EPB41L4B: variants seen among roughly 807,000 people sequenced by gnomAD.
EPB41L4B encodes the protein erythrocyte membrane protein band 4.1 like 4B, also known as band 4.1-like protein 4B.
Under a neutral mutation model 112.5 loss-of-function variants are expected in EPB41L4B, and 30 were observed. The ratio of observed to expected loss-of-function variants is 0.27; its 90% CI spans 0.20 to 0.36. The LOEUF is 0.36. Among genes scored for constraint, EPB41L4B ranks in the 10% least tolerant of loss-of-function variants. The probability of loss-of-function intolerance (pLI) is 1.00; values close to 1 mark genes in which losing one functional copy is unlikely to be tolerated. For synonymous variants in EPB41L4B, 408 were observed against 439.7 expected (o/e 0.93, Z 0.90); for missense variants, 1,024 against 1,133.3 (o/e 0.90, Z 1.38).
At chr9:109,206,984 T>A (rs1217226112) in intron 18 of EPB41L4B, among the ~76,000 whole-genome samples, 1 of 152,236 alleles carries the variant, frequency 6.6e-6, no homozygotes. Context: ...TCCAGCTGCA[T>A]GGTATCCACC....
chr9:109,176,836 T>A (rs985285615), intron 24 of EPB41L4B, 140 bp from the exon 25 acceptor site: 10 of 968,400 alleles, frequency 1.0e-5, no homozygotes, highest in Middle Eastern at 4.4e-4. Flanking sequence ...TAAGTGATTT[T>A]ACTTTGTGCC....
chr9:109,259,376 C>T (rs1399111302), intron 6 of EPB41L4B, among the ~76,000 whole-genome samples: 1 of 152,216 alleles, frequency 6.6e-6, no homozygotes, highest in Admixed American at 6.5e-5. Context: ...GGTCTGGAAC[C>T]CGGCCTAAGA....
In EPB41L4B at chr9:109,197,830, A is replaced by AT. The variant is rs1006644152; in HGVS notation, c.2045+2405_2045+2406insA. Among the ~76,000 whole-genome samples, 11 of 151,674 alleles carry AT rather than the reference A, an allele frequency of 7.3e-5. No homozygotes were observed. In the South Asian group the frequency reaches 2.3e-3, roughly 32 times the overall value. ...GTGAGACTCTGTATCAAAAAAAAAA[A>AT]AAAACAAAAAAAAGAGTGAGTTTGG... On this transcript the variant is annotated intron_variant, in intron 20 of 25. Coordinates refer to ENST00000374566, the MANE Select transcript of EPB41L4B (RefSeq NM_019114.5).
rs1835056020 is a variant in EPB41L4B at position 109,258,199 on chromosome 9, A to G, written c.730T>C (p.Phe244Leu). Residue 244 changes from phenylalanine (F) to leucine (L), a missense_variant, in exon 7 of 26, where the codon TTC becomes CTC. Phe to Leu is a conservative substitution (Grantham distance 22, BLOSUM62 0). Coordinates refer to ENST00000374566, the MANE Select transcript of EPB41L4B (RefSeq NM_019114.5). ...TACCTGCACTCTTTCCATCTCTGGA[A>G]GATATCAAATTCCATTGCTTCTGTC... ...NQTEAMEFDIFQRWKECRGKS... is the reference protein window; with the variant it reads ...NQTEAMEFDILQRWKECRGKS... The G allele has an allele frequency of 6.2e-7, 1 of 1,613,586 alleles. No homozygotes were observed. Among genetic ancestry groups the G allele is most frequent in the Admixed American group, 1.7e-5 (1 of 59,998 alleles).
At chr9:109,295,339 G>T (rs1181822329) in intron 1 of EPB41L4B, among the ~76,000 whole-genome samples, 2 of 152,150 alleles carry the variant, frequency 1.3e-5, no homozygotes, top group African/African-American at 4.8e-5. Context: ...TCCCTTAGAA[G>T]ATTGCTGAGG....
chr9:109,275,612 C>G (rs955204598), intron 2 of EPB41L4B, among the ~76,000 whole-genome samples: 1 of 152,124 alleles, frequency 6.6e-6, no homozygotes, highest in South Asian at 2.1e-4. Context: ...CTCACACTGC[C>G]CAGCTACAAA....
At chr9:109,275,280 T>C (rs1403757725) in intron 2 of EPB41L4B, among the ~76,000 whole-genome samples, 2 of 152,198 alleles carry the variant, frequency 1.3e-5, no homozygotes, top group African/African-American at 4.8e-5. Flanking sequence ...GATCTGCATG[T>C]CAGGGGCTGG....
chr9:109,229,704 G>A (rs961864095), intron 15 of EPB41L4B, among the ~76,000 whole-genome samples: 7 of 152,114 alleles, frequency 4.6e-5, no homozygotes, highest in African/African-American at 1.4e-4. Flanking sequence ...TAACACATTG[G>A]GGATAAGCTG....
intron 15 of EPB41L4B, among the ~76,000 whole-genome samples, chr9:109,223,200 G>A (rs796978925): frequency 3.3e-5 from 5 of 152,276 alleles, no homozygotes; most frequent in African/African-American, 1.2e-4. Flanking sequence ...AGCATTTTGG[G>A]AGGCCAAGGC....
intron 1 of EPB41L4B, among the ~76,000 whole-genome samples, chr9:109,296,472 G>A (rs1306924020): frequency 6.6e-5 from 10 of 152,208 alleles, no homozygotes; most frequent in Admixed American, 6.5e-4. Flanking sequence ...TACCTAGCAA[G>A]GATGTTAAAA....
At chr9:109,201,478 A>G (rs1832829570) in intron 19 of EPB41L4B, among the ~76,000 whole-genome samples, 1 of 151,684 alleles carries the variant, frequency 6.6e-6, no homozygotes, top group African/African-American at 2.4e-5. Flanking sequence ...AAAAAAAAGT[A>G]TGTTGAATAA....
intron 15 of EPB41L4B, among the ~76,000 whole-genome samples, chr9:109,226,626 A>ATATATG (rs1554750149): frequency 0.04 from 5,318 of 132,202 alleles, 250 homozygotes; most frequent in East Asian, 0.14. Flanking sequence ...ATATATATAT[A>ATATATG]TATGAAGAAT....
In EPB41L4B at chr9:109,233,728, T is replaced by C. The variant is rs1834036064; in HGVS notation, c.1409+9890A>G. Among the ~76,000 whole-genome samples, 6 of 152,226 alleles carry C rather than the reference T, an allele frequency of 3.9e-5. No homozygotes were observed. In the South Asian group the frequency reaches 1.2e-3, roughly 32 times the overall value. ...TGTATTTTTAGCAGAGATGGGGTTT[T>C]GCCATGCTGGCTAGGCTAGTCTTGA... On this transcript the variant is annotated intron_variant, in intron 15 of 25. Transcript: ENST00000374566.
chr9:109,256,169 A>G lies in EPB41L4B; in HGVS notation c.896T>C (p.Phe299Ser), dbSNP rs1564298294. The G allele has an allele frequency of 2.5e-6, 4 of 1,614,150 alleles. No individual in the cohort carries two copies. Among genetic ancestry groups the G allele is most frequent in the Non-Finnish European group, 3.4e-6 (4 of 1,180,004 alleles). ...TAAGCCTATTTTGTTAGCTCCTTCA[A>G]AGATTAATATGCCTGTCGGGGTCAG... ...LGLTPTGILI[F>S]EGANKIGLFF... The change falls in exon 9 of 26, where the codon TTT becomes TCT. Residue 299 changes from phenylalanine (F) to serine (S), a missense_variant. By Grantham distance (155) the Phe-to-Ser change is radical. Coordinates refer to ENST00000374566, the MANE Select transcript of EPB41L4B (RefSeq NM_019114.5).
intron 15 of EPB41L4B, among the ~76,000 whole-genome samples, chr9:109,226,715 A>ATATATATGAAGAATATATATATGAAG (rs1833784258): frequency 2.1e-5 from 3 of 140,320 alleles, no homozygotes; most frequent in African/African-American, 7.8e-5. Context: ...TATGAAGAAT[A>ATATATATGAAGAATATATATATGAAG]TATATATGAA....
At chr9:109,227,521 T>C (rs931488778) in intron 15 of EPB41L4B, among the ~76,000 whole-genome samples, 1 of 152,212 alleles carries the variant, frequency 6.6e-6, no homozygotes, top group African/African-American at 2.4e-5. Flanking sequence ...ACATTAACTT[T>C]ATTCCTAGGT....
intron 22 of EPB41L4B, among the ~76,000 whole-genome samples, chr9:109,190,501 T>G (rs955319972): frequency 6.6e-6 from 1 of 152,174 alleles, no homozygotes; most frequent in Non-Finnish European, 1.5e-5. Context: ...CCTGAGCACT[T>G]CCCTTCCTCA....
At chr9:109,222,868 T>A (rs1189070687) in intron 15 of EPB41L4B, among the ~76,000 whole-genome samples, 2 of 152,216 alleles carry the variant, frequency 1.3e-5, no homozygotes, top group African/African-American at 4.8e-5. Context: ...GGGAGTAATG[T>A]GCCCTGTTAG....
intron 22 of EPB41L4B, among the ~76,000 whole-genome samples, chr9:109,187,448 G>A (rs1832309255): frequency 6.6e-6 from 1 of 152,018 alleles, no homozygotes; most frequent in Middle Eastern, 3.2e-3. Flanking sequence ...TTTGTTGACT[G>A]TTTCTAAATC....
Sources: gnomAD v4.1 joint callset for allele counts (sites outside exome capture counted in the v4.1 genomes callset) on GRCh38, gnomAD v4.1.1 for gene constraint, MANE v1.5 for transcripts, NCBI Gene and HGNC (gene_info 2026-07-23, HGNC 2026-07-21) for gene names.